PGR: variants seen among roughly 807,000 people sequenced by gnomAD.
PGR encodes nuclear receptor subfamily 3 group C member 3.
Under a neutral mutation model 76.1 loss-of-function variants are expected in PGR, and 25 were observed. That is an observed-to-expected ratio of 0.33 (90% CI 0.24 to 0.46). The LOEUF (loss-of-function observed/expected upper bound fraction) is 0.46, where lower values mean the gene tolerates loss of function less well. PGR is among the 20% of genes least tolerant of loss of function. PGR has a pLI of 1.00. For missense variants in PGR, 1,172 were observed against 1,225.3 expected (o/e 0.96, Z 0.65); for synonymous variants, 579 against 535.0 (o/e 1.08, Z -1.14).
intron 6 of PGR, among the ~76,000 whole-genome samples, chr11:101,044,681 T>C (rs1433664357): frequency 1.3e-5 from 2 of 150,800 alleles, no homozygotes; most frequent in African/African-American, 4.9e-5. Flanking sequence ...CATTCCAAGA[T>C]TGTTAGTTGG....
chr11:101,070,207 G>A (rs1274556953), intron 3 of PGR, among the ~76,000 whole-genome samples: 10 of 152,228 alleles, frequency 6.6e-5, no homozygotes, highest in Non-Finnish European at 1.0e-4. Context: ...TGCCTTACCC[G>A]GGAAGTACAA....
At chr11:101,070,599 G>A (rs966633688) in intron 3 of PGR, among the ~76,000 whole-genome samples, 1 of 152,200 alleles carries the variant, frequency 6.6e-6, no homozygotes, top group African/African-American at 2.4e-5. Context: ...TGCCAGCACA[G>A]CAGTGTGAAG....
intron 2 of PGR, among the ~76,000 whole-genome samples, chr11:101,124,040 T>C (rs1310792747): frequency 1.3e-5 from 2 of 152,208 alleles, no homozygotes; most frequent in Admixed American, 6.5e-5. Context: ...AGGGAAAGTG[T>C]ATCTTTGGCA....
chr11:101,059,057 C>T (rs1565337029), intron 4 of PGR, among the ~76,000 whole-genome samples: 1 of 151,902 alleles, frequency 6.6e-6, no homozygotes, highest in Non-Finnish European at 1.5e-5. Flanking sequence ...AGGTTGAGAA[C>T]CATTAATATG....
chr11:101,085,591 G>A (rs1172070259), intron 3 of PGR, among the ~76,000 whole-genome samples: 1 of 120,556 alleles, frequency 8.3e-6, no homozygotes, highest in African/African-American at 3.1e-5. Context: ...AGAAAAGGAC[G>A]AACTAAAGAG....
intron 2 of PGR, among the ~76,000 whole-genome samples, chr11:101,100,475 T>C (rs1861963406): frequency 6.6e-6 from 1 of 152,056 alleles, no homozygotes; most frequent in African/African-American, 2.4e-5. Context: ...ATACGGTTAG[T>C]GGAATGAGAT....
rs948632844 is a variant in PGR at position 101,029,808 on chromosome 11, A to G, written c.*9308T>C. 4 of 219,074 alleles carry G rather than the reference A, an allele frequency of 1.8e-5. No individual in the cohort carries two copies. Among genetic ancestry groups the G allele is most frequent in the Non-Finnish European group, 2.7e-5 (3 of 109,242 alleles). The allele number at this position is 219,074 out of a possible 1,614,324, so 13.6% of individuals were successfully genotyped here. On this transcript the variant is annotated 3_prime_UTR_variant, in exon 8 of 8. Transcript: ENST00000325455. ...TGAACCACAAAATATTTTCTCTGAA[A>G]TCTACACTTAGTTTAAAAACAGAGA... is the stretch of plus-strand genomic sequence containing the variant.
intron 3 of PGR, among the ~76,000 whole-genome samples, chr11:101,077,005 T>C (rs1725638683): frequency 6.7e-6 from 1 of 149,628 alleles, no homozygotes; most frequent in Admixed American, 6.7e-5. Flanking sequence ...CTTTCTTTGC[T>C]ACCTTGGTCA....
At chr11:101,058,639 T>G (rs1860376459) in intron 4 of PGR, among the ~76,000 whole-genome samples, 1 of 152,212 alleles carries the variant, frequency 6.6e-6, no homozygotes, top group African/African-American at 2.4e-5. Flanking sequence ...AGACAAAATT[T>G]ATGCAACGGA....
intron 4 of PGR, among the ~76,000 whole-genome samples, chr11:101,053,497 C>A (rs1860167694): frequency 6.8e-6 from 1 of 147,336 alleles, no homozygotes; most frequent in Admixed American, 6.8e-5. Context: ...TTCTCCTTCC[C>A]ACCTTTCCTC....
At chr11:101,075,088 A>G (rs1861076149) in intron 3 of PGR, among the ~76,000 whole-genome samples, 1 of 152,236 alleles carries the variant, frequency 6.6e-6, no homozygotes, top group Non-Finnish European at 1.5e-5. Context: ...ACAAGGCTAC[A>G]GTAGCCAAAA....
chr11:101,092,326 TA>T (rs969006308), intron 2 of PGR, among the ~76,000 whole-genome samples: 8 of 151,826 alleles, frequency 5.3e-5, no homozygotes, highest in Middle Eastern at 3.4e-3. Flanking sequence ...AAAGACCTTT[TA>T]AAAAAAAATC....
At chr11:101,051,300 T>A in intron 5 of PGR, 124 bp downstream of exon 5, 1 of 666,402 alleles carries the variant, frequency 1.5e-6, no homozygotes. Flanking sequence ...AAAATTACCG[T>A]AAAATGACAG....
At chr11:101,080,659 A>G (rs923117172) in intron 3 of PGR, among the ~76,000 whole-genome samples, 3 of 152,136 alleles carry the variant, frequency 2.0e-5, no homozygotes, top group Non-Finnish European at 4.4e-5. Flanking sequence ...CAGAAATGAC[A>G]CATAAATAAT....
In PGR at chr11:101,129,106, C is replaced by CA. The variant is rs749555139; in HGVS notation, c.-37dup. The stretch of plus-strand genomic sequence containing the variant: ...CTCCCCTTTTCTCCTCCCCCGTCTC[C>CA]AGGAGGAGGGAAAAGGGAAGGAGGA... On this transcript the variant is annotated 5_prime_UTR_variant, in exon 1 of 8. Transcript: ENST00000325455. The CA allele has an allele frequency of 7.3e-5, 92 of 1,268,864 alleles. 1 individual carries two copies. In the East Asian group the frequency reaches 2.6e-3, roughly 35 times the overall value. The allele number at this position is 1,268,864 out of a possible 1,614,324, so 78.6% of individuals were successfully genotyped here. A position where few individuals can be genotyped will look rare whatever the true frequency, so the allele number is the denominator to read the frequency against.
chr11:101,074,837 T>C (rs919139414), intron 3 of PGR, among the ~76,000 whole-genome samples: 3 of 151,432 alleles, frequency 2.0e-5, no homozygotes, highest in East Asian at 1.9e-4. Context: ...AGGACACAAA[T>C]GGAAAAACAC....
Position 101,127,425 on chromosome 11 carries a change from G to A in PGR, c.1637+9C>T. 6.5e-7 allele frequency: 1 copy of A among 1,534,970 alleles called. No homozygotes were observed. Among genetic ancestry groups the A allele is most frequent in the Non-Finnish European group, 8.8e-7 (1 of 1,141,394 alleles). On this transcript the variant is annotated intron_variant, in intron 1 of 7. Transcript: ENST00000325455. ...GACGCGCTGGGCGTGCCCCGTCCCG[G>A]GCCCTCACCTCAGGTAGTTGAGATA... is the stretch of plus-strand genomic sequence containing the variant.
At chr11:101,090,797 A>G (rs1012111970) in intron 3 of PGR, among the ~76,000 whole-genome samples, 3 of 152,200 alleles carry the variant, frequency 2.0e-5, no homozygotes, top group Non-Finnish European at 4.4e-5. Flanking sequence ...AGTGCCCAGT[A>G]TGTTACCTGG....
At chr11:101,086,806 C>T (rs551749) in intron 3 of PGR, among the ~76,000 whole-genome samples, 37,161 of 151,860 alleles carry the variant, frequency 0.24, 5,667 homozygotes, top group Non-Finnish European at 0.35. Context: ...AAGGTGAGAG[C>T]CAAATCAAGA....
Sources: allele counts gnomAD v4.1 joint callset (sites outside exome capture counted in the v4.1 genomes callset), GRCh38; gene constraint gnomAD v4.1.1; transcripts MANE v1.5; gene names NCBI Gene and HGNC (gene_info 2026-07-23, HGNC 2026-07-21).